Variants in C2orf78 observed in about 807,000 individuals in gnomAD.
The protein encoded by C2orf78 is chromosome 2 open reading frame 78, also known as uncharacterized protein C2orf78.
C2orf78 carries 12 observed loss-of-function variants against 21.4 expected under a neutral mutation model. The ratio of observed to expected loss-of-function variants is 0.56; its 90% confidence interval spans 0.36 to 0.91. The LOEUF (loss-of-function observed/expected upper bound fraction) is 0.91. C2orf78 is among the 40% of genes least tolerant of loss of function. C2orf78 has a pLI of 0.01. For synonymous variants in C2orf78, 396 were observed against 413.9 expected (o/e 0.96, Z 0.52); for missense variants, 1,042 against 1,092.4 (o/e 0.95, Z 0.65).
chr2:73,810,457 G>A (rs1276240201), intron 1 of C2orf78, among the ~76,000 whole-genome samples: 1 of 150,754 alleles, frequency 6.6e-6, no homozygotes, highest in Non-Finnish European at 1.5e-5. Context: ...AACCCAGGAG[G>A]TGTAGGTTGC....
At position 73,809,152 on chromosome 2, in the gene C2orf78, T is replaced by C. The variant is rs2259762; in HGVS notation, c.98-4325T>C. 2.1e-3 allele frequency among the ~76,000 whole-genome samples: 311 copies of C among 150,636 alleles called. 1 individual carries two copies. Among genetic ancestry groups the C allele is most frequent in the African/African-American group, 7.3e-3 (293 of 39,974 alleles). On this transcript the variant is annotated intron_variant, in intron 1 of 2. Transcript: ENST00000409561. ...AATAGACTGGTTATTCCCCCTGGCC[T>C]TTTTCTTTTCTAATACTGAGTCTTA...
chr2:73,809,621 A>G (rs1673031310), intron 1 of C2orf78, among the ~76,000 whole-genome samples: 1 of 152,062 alleles, frequency 6.6e-6, no homozygotes, highest in African/African-American at 2.4e-5. Context: ...CCCCATCTCT[A>G]CAAAAACTTT....
At chr2:73,814,194 C>G in exon 2 of C2orf78, 1 of 1,587,146 alleles carries the variant, frequency 6.3e-7, no homozygotes, top group South Asian at 1.1e-5. Context: ...TACTCTGTGT[C>G]TTCTCAACCC....
chr2:73,815,262 A>T (rs199591057), exon 3 of C2orf78: 1 of 1,613,976 alleles, frequency 6.2e-7, no homozygotes, highest in African/African-American at 1.3e-5. Context: ...TAATCTCTTG[A>T]CACTGTCTCC....
Position 73,812,375 on chromosome 2 carries a change from T to C in C2orf78, c.98-1102T>C, listed in dbSNP as rs75479003. Among the ~76,000 whole-genome samples the C allele has an allele frequency of 3.9e-4, 59 of 152,348 alleles. No individual in the cohort carries two copies. The East Asian group carries it at 0.01, about 27-fold the overall frequency. ...GTCTGTTTTTTCAGAACTTACTATA[T>C]CTTCCTCATTATAAGTCATATGTAA... is the stretch of plus-strand genomic sequence containing the variant. On this transcript the variant is annotated intron_variant, in intron 1 of 2. Transcript: ENST00000409561.
chr2:73,784,495 T>G (rs1163016381), intron 1 of C2orf78, 89 bp downstream of exon 1: 13 of 549,620 alleles, frequency 2.4e-5, no homozygotes, highest in Non-Finnish European at 3.2e-5. Context: ...CCAAACAGCT[T>G]GGAATAACAG....
exon 3 of C2orf78, chr2:73,815,089 G>A: frequency 1.2e-6 from 2 of 1,612,240 alleles, no homozygotes. Context: ...ACTTCCCTGG[G>A]GATGGATACT....
intron 1 of C2orf78, among the ~76,000 whole-genome samples, chr2:73,807,983 C>A (rs1045981359): frequency 6.6e-6 from 1 of 151,062 alleles, no homozygotes. Flanking sequence ...GGGCCGGGTG[C>A]GGTGGCTCCC....
At chr2:73,814,127 C>A in exon 2 of C2orf78, 1 of 1,612,448 alleles carries the variant, frequency 6.2e-7, no homozygotes, top group Non-Finnish European at 8.5e-7. Context: ...GGTGATGGTG[C>A]TGAAGGAGGT....
At chr2:73,816,550 C>T (rs778082282) in exon 3 of C2orf78, 1 of 1,613,926 alleles carries the variant, frequency 6.2e-7, no homozygotes. Context: ...ACCAACACAT[C>T]TTTGACAGGT....
chr2:73,815,041 G>GAAT (rs1390380981), intron 2 of C2orf78, 30 bp from the exon 3 acceptor site: 3 of 1,579,844 alleles, frequency 1.9e-6, no homozygotes, highest in Non-Finnish European at 1.7e-6. Context: ...CACTTACCAG[G>GAAT]GACTGACTTC....
chr2:73,786,115 C>T (rs1348541584), intron 1 of C2orf78, among the ~76,000 whole-genome samples: 1 of 151,678 alleles, frequency 6.6e-6, no homozygotes, highest in African/African-American at 2.4e-5. Flanking sequence ...TGCGGTGGCT[C>T]ACACCTGTAA....
exon 3 of C2orf78, chr2:73,816,740 C>G: frequency 6.2e-7 from 1 of 1,613,984 alleles, no homozygotes; most frequent in Non-Finnish European, 8.5e-7. Context: ...GGTCACTGCC[C>G]AAGCCTCAAA....
exon 3 of C2orf78, chr2:73,816,242 A>G (rs1230204813): frequency 2.5e-6 from 4 of 1,613,714 alleles, no homozygotes; most frequent in African/African-American, 2.7e-5. Context: ...CTCTCAAACC[A>G]TGGCTGGATA....
intron 1 of C2orf78, among the ~76,000 whole-genome samples, chr2:73,810,763 A>T (rs577725196): frequency 7.6e-5 from 10 of 131,430 alleles, no homozygotes; most frequent in Non-Finnish European, 1.6e-4. Flanking sequence ...ATGTATATAT[A>T]ATATATATAT....
At chr2:73,815,389 C>A (rs1341082659) in exon 3 of C2orf78, 1 of 1,613,982 alleles carries the variant, frequency 6.2e-7, no homozygotes, top group Admixed American at 1.7e-5. Context: ...CCACTACTTC[C>A]TGTAGAAATC....
chr2:73,815,270 T>G (rs887305599), exon 3 of C2orf78: 2 of 1,613,794 alleles, frequency 1.2e-6, no homozygotes, highest in African/African-American at 2.7e-5. Flanking sequence ...TGACACTGTC[T>G]CCAGCTCCAA....
In C2orf78 at chr2:73,816,112, T is replaced by C. The variant is rs1160504579; in HGVS notation, c.1889T>C (p.Met630Thr). Residue 630 changes from methionine (M) to threonine (T), a missense_variant, in exon 3 of 3, where the codon ATG becomes ACG. Physicochemically the swap from Met to Thr is moderately conservative, Grantham distance 81 (BLOSUM62 -1). Around this residue, in one of 2 missense-constraint regions of C2orf78, gnomAD observed 1,039 missense variants for 1,069.7 expected, o/e 0.97. Transcript: ENST00000409561. ...CCCCGAAGCTCCCTAGGCATGCACA[T>C]GCTAGAGTCCGTGCAAGTTTTCCAT... 4.3e-6 allele frequency: 7 copies of C among 1,613,774 alleles called. No homozygotes were observed. In the Admixed American group the frequency reaches 1.2e-4, roughly 27 times the overall value.
At chr2:73,816,789 C>G (rs1425502922) in exon 3 of C2orf78, 1 of 1,614,034 alleles carries the variant, frequency 6.2e-7, no homozygotes, top group East Asian at 2.2e-5. Flanking sequence ...CCAACCCCGT[C>G]CATGGAGGAA....
Sources: allele counts gnomAD v4.1 joint callset (sites outside exome capture counted in the v4.1 genomes callset), GRCh38; gene constraint gnomAD v4.1.1; regional missense constraint gnomAD v4.1.1; transcripts MANE v1.5; gene names NCBI Gene and HGNC (gene_info 2026-07-23, HGNC 2026-07-21).